GNG2: variants seen among roughly 807,000 people sequenced by gnomAD.
GNG2 encodes G protein subunit gamma 2.
GNG2 carries 5 observed loss-of-function variants against 5.5 expected under a neutral mutation model. The ratio of observed to expected loss-of-function variants is 0.91; its 90% CI spans 0.48 to 1.92. GNG2 has a LOEUF of 1.92. Ranked by LOEUF, GNG2 falls within the 30% of genes most tolerant of loss-of-function variation. The pLI is 0.01. For missense variants in GNG2, 55 were observed against 88.4 expected (o/e 0.62, Z 1.52); for synonymous variants, 28 against 32.0 (o/e 0.88, Z 0.42).
chr14:51,831,697 A>G (rs1469535306), intron 2 of GNG2, among the ~76,000 whole-genome samples: 1 of 152,230 alleles, frequency 6.6e-6, no homozygotes, highest in Non-Finnish European at 1.5e-5. Flanking sequence ...TCAAAACAAA[A>G]CACACTTGAT....
intron 2 of GNG2, among the ~76,000 whole-genome samples, chr14:51,920,534 A>C (rs915303672): frequency 2.0e-5 from 3 of 152,172 alleles, no homozygotes; most frequent in African/African-American, 7.2e-5. Context: ...AGAAGGCAGA[A>C]TATAATTACA....
chr14:51,868,233 A>C (rs944121408), intron 1 of GNG2, among the ~76,000 whole-genome samples: 2 of 152,190 alleles, frequency 1.3e-5, no homozygotes, highest in African/African-American at 2.4e-5. Context: ...GTTTTCTTGA[A>C]ACTTACATTC....
At chr14:51,916,367 C>T (rs1191093942) in intron 2 of GNG2, 5 of 422,256 alleles carry the variant, frequency 1.2e-5, no homozygotes, top group Admixed American at 8.4e-5. Context: ...AATAGTGCAC[C>T]GTTGGCAGAA....
chr14:51,900,779 G>T (rs143855318), intron 2 of GNG2, among the ~76,000 whole-genome samples: 89 of 152,040 alleles, frequency 5.9e-4, no homozygotes, highest in African/African-American at 2.1e-3. Flanking sequence ...TGAGATTTTG[G>T]ATCTATTGGT....
chr14:51,939,958 A>G (rs779195597), intron 2 of GNG2: 4 of 152,168 alleles, frequency 2.6e-5, no homozygotes, highest in Non-Finnish European at 4.4e-5. Flanking sequence ...CTAAGCCTCA[A>G]TTTCCTTCAA....
At chr14:51,966,209 C>CAAAAAAAAAAAAAAAA (rs34653524) in intron 3 of GNG2, among the ~76,000 whole-genome samples, 2 of 28,144 alleles carry the variant, frequency 7.1e-5, no homozygotes, top group Non-Finnish European at 1.1e-4. Flanking sequence ...GACTGCATCT[C>CAAAAAAAAAAAAAAAA]AAAAAAAAAA....
At chr14:51,937,461 T>G (rs1371258853) in intron 2 of GNG2, among the ~76,000 whole-genome samples, 2 of 152,064 alleles carry the variant, frequency 1.3e-5, no homozygotes, top group Non-Finnish European at 2.9e-5. Context: ...GACACAAAAA[T>G]GTAAGCACTC....
intron 2 of GNG2, among the ~76,000 whole-genome samples, chr14:51,894,890 C>T (rs951138130): frequency 1.3e-5 from 2 of 152,054 alleles, no homozygotes; most frequent in Admixed American, 6.6e-5. Context: ...TAGCCTTCTT[C>T]ATAGTAAACC....
chr14:51,845,539 G>A (rs1176863212), intron 2 of GNG2, among the ~76,000 whole-genome samples: 1 of 152,068 alleles, frequency 6.6e-6, no homozygotes, highest in Non-Finnish European at 1.5e-5. Context: ...TTAGATCTTA[G>A]AGGCAATCTT....
chr14:51,900,286 T>C (rs945448546), intron 2 of GNG2, among the ~76,000 whole-genome samples: 1 of 152,128 alleles, frequency 6.6e-6, no homozygotes, highest in Admixed American at 6.5e-5. Context: ...TATATACTTA[T>C]TGAAAAAGTT....
Position 51,849,805 on chromosome 14 carries a change from CTTTTTTTTTTT to C in GNG2, c.64+22007_64+22017del, listed in dbSNP as rs33966382. Among the ~76,000 whole-genome samples the C allele has an allele frequency of 1.9e-3, 237 of 122,000 alleles. 4 individuals carry two copies. The highest frequency in any genetic ancestry group is 6.7e-3 in the African/African-American group (225 of 33,592). 80.0% of individuals were successfully genotyped at this position (122,000 alleles called of 152,430 possible). A position where few individuals can be genotyped will look rare whatever the true frequency, so the allele number is the denominator to read the frequency against. On this transcript the variant is annotated intron_variant, in intron 2 of 3. Transcript: ENST00000553432. The stretch of plus-strand genomic sequence containing the variant: ...CCTAATTTTAGATACAAAGCAAATG[CTTTTTTTTTTT>C]TTTTTTTTGAGACAAGGTTTCACTC...
At chr14:51,939,171 G>T (rs964036808) in intron 2 of GNG2, among the ~76,000 whole-genome samples, 49 of 151,784 alleles carry the variant, frequency 3.2e-4, no homozygotes, top group African/African-American at 1.1e-3. Context: ...AGTGAACAAA[G>T]CCCACCTAGC....
intron 2 of GNG2, chr14:51,940,086 A>G (rs923455108): frequency 6.6e-6 from 1 of 152,232 alleles, no homozygotes; most frequent in Non-Finnish European, 1.5e-5. Context: ...AAATCTTCGT[A>G]TTAGTGTGAG....
intron 2 of GNG2, among the ~76,000 whole-genome samples, chr14:51,935,924 A>T (rs55647767): frequency 0.026 from 3,940 of 152,224 alleles, 142 homozygotes; most frequent in East Asian, 0.13. Context: ...AATCAGAGTC[A>T]TGGTTCAGTG....
At chr14:51,954,313 T>C (rs4898728) in intron 3 of GNG2, among the ~76,000 whole-genome samples, 53,086 of 151,806 alleles carry the variant, frequency 0.35, 9,729 homozygotes, top group Middle Eastern at 0.4. Flanking sequence ...TAAAAGGAAA[T>C]TGGGAAGAGA....
chr14:51,898,787 TCCC>T, intron 2 of GNG2, among the ~76,000 whole-genome samples: 1 of 152,278 alleles, frequency 6.6e-6, no homozygotes, highest in East Asian at 1.9e-4. Flanking sequence ...CAAGGCACTG[TCCC>T]CTTTCTTTGA....
At chr14:51,930,973 A>G (rs991267376) in intron 2 of GNG2, among the ~76,000 whole-genome samples, 19 of 152,166 alleles carry the variant, frequency 1.2e-4, no homozygotes, top group African/African-American at 4.6e-4. Context: ...GCATGCGCCT[A>G]TAGTCCCACC....
intron 2 of GNG2, among the ~76,000 whole-genome samples, chr14:51,947,525 G>C (rs1888710378): frequency 6.6e-6 from 1 of 152,052 alleles, no homozygotes; most frequent in Non-Finnish European, 1.5e-5. Flanking sequence ...CAAGAGCCAA[G>C]AAAAGCTGAC....
chr14:51,878,586 A>G (rs931844621), intron 2 of GNG2, among the ~76,000 whole-genome samples: 4 of 152,234 alleles, frequency 2.6e-5, no homozygotes, highest in Non-Finnish European at 5.9e-5. Context: ...GGAGCTAGTC[A>G]TCCATCCATT....
Sources: allele counts gnomAD v4.1 joint callset (sites outside exome capture counted in the v4.1 genomes callset), GRCh38; gene constraint gnomAD v4.1.1; transcripts MANE v1.5; gene names NCBI Gene and HGNC (gene_info 2026-07-23, HGNC 2026-07-21).